IKZF2: variants seen among roughly 807,000 people sequenced by gnomAD.
IKZF2 encodes IKAROS family zinc finger 2.
A neutral mutation model predicts 49.2 loss-of-function variants in IKZF2; 15 were observed. The observed-to-expected ratio is 0.30, with a 90% CI of 0.20 to 0.47. IKZF2 has a LOEUF of 0.47. IKZF2 is among the 20% of genes least tolerant of loss of function. The pLI is 1.00. For missense variants in IKZF2, 567 were observed against 664.6 expected (o/e 0.85, Z 1.61); for synonymous variants, 227 against 221.4 (o/e 1.03, Z -0.23).
At chr2:213,150,469 CTCCTCCTCG>C (rs1202582751) in intron 1 of IKZF2, 2 of 271,280 alleles carry the variant, frequency 7.4e-6, no homozygotes, top group South Asian at 3.8e-5. Flanking sequence ...CCTCCTCCTC[CTCCTCCTCG>C]TCCTCCTCCT....
intron 5 of IKZF2, among the ~76,000 whole-genome samples, chr2:213,050,670 C>T (rs576941324): frequency 8.6e-5 from 13 of 152,030 alleles, no homozygotes; most frequent in Non-Finnish European, 1.6e-4. Context: ...CTTTTCTCCC[C>T]GTTTTTCTAT....
At chr2:213,104,735 C>A (rs1410658529) in intron 4 of IKZF2, among the ~76,000 whole-genome samples, 1 of 152,120 alleles carries the variant, frequency 6.6e-6, no homozygotes, top group Non-Finnish European at 1.5e-5. Context: ...GACAGGAACC[C>A]CAACTAGAAC....
intron 4 of IKZF2, among the ~76,000 whole-genome samples, chr2:213,122,724 C>T (rs1490735992): frequency 6.6e-6 from 1 of 152,162 alleles, no homozygotes; most frequent in Non-Finnish European, 1.5e-5. Flanking sequence ...GATTCTCCTA[C>T]TTAAATAATT....
chr2:213,135,494 C>A (rs1014827156), intron 4 of IKZF2, among the ~76,000 whole-genome samples: 2 of 151,764 alleles, frequency 1.3e-5, no homozygotes, highest in East Asian at 3.9e-4. Context: ...CAAGACCAGC[C>A]TGGACAACAC....
intron 6 of IKZF2, among the ~76,000 whole-genome samples, chr2:213,028,662 C>G (rs1337243028): frequency 1.3e-5 from 2 of 151,990 alleles, no homozygotes; most frequent in African/African-American, 4.8e-5. Context: ...TTCCAATGTC[C>G]AACTGTTCAT....
chr2:213,008,131 CA>C, intron 8 of IKZF2, 47 bp from the exon 9 acceptor site: 4 of 864,654 alleles, frequency 4.6e-6, no homozygotes, highest in African/African-American at 2.3e-5. Context: ...AAAAAAAATA[CA>C]ACAACATTAG....
intron 7 of IKZF2, among the ~76,000 whole-genome samples, chr2:213,020,449 G>C (rs760163450): frequency 8.6e-5 from 13 of 151,970 alleles, no homozygotes; most frequent in Non-Finnish European, 1.3e-4. Flanking sequence ...AGCCAGAGCA[G>C]GTTTGGCAGA....
chr2:213,142,673 G>A (rs939362161), intron 4 of IKZF2, among the ~76,000 whole-genome samples: 3 of 151,908 alleles, frequency 2.0e-5, no homozygotes, highest in Admixed American at 6.6e-5. Context: ...CAGCAAAGCA[G>A]GAATTCTAAC....
rs146311585 is a variant in IKZF2 at position 213,130,361 on chromosome 2, C to T, written c.139+17347G>A. On this transcript the variant is annotated intron_variant, in intron 4 of 8. Transcript: ENST00000434687. Reference sequence around the variant, plus strand: ...AAATGCTTTGTTATAAACTGACAAACACAATTAATAGACATCAGTCATCAA... The same window carrying T: ...AAATGCTTTGTTATAAACTGACAAATACAATTAATAGACATCAGTCATCAA... Among the ~76,000 whole-genome samples the T allele has an allele frequency of 2.6e-4, 39 of 152,172 alleles. 1 individual carries two copies. The East Asian group carries it at 7.2e-3, about 28-fold the overall frequency.
intron 4 of IKZF2, among the ~76,000 whole-genome samples, chr2:213,121,119 T>C (rs141385545): frequency 6.6e-6 from 1 of 152,344 alleles, no homozygotes; most frequent in African/African-American, 2.4e-5. Flanking sequence ...CTCTGTCCTA[T>C]ACACAATATT....
chr2:213,062,115 A>C (rs1379768322), intron 4 of IKZF2, among the ~76,000 whole-genome samples: 2 of 151,654 alleles, frequency 1.3e-5, no homozygotes, highest in Non-Finnish European at 3.0e-5. Flanking sequence ...TTTTCAAATT[A>C]AGATAATAAA....
At chr2:213,101,520 C>T (rs1706659115) in intron 4 of IKZF2, among the ~76,000 whole-genome samples, 1 of 150,506 alleles carries the variant, frequency 6.6e-6, no homozygotes, top group African/African-American at 2.5e-5. Flanking sequence ...TGGCAACTGA[C>T]ACTACCTACT....
chr2:213,145,843 TAA>T (rs77792034), intron 4 of IKZF2, among the ~76,000 whole-genome samples: 39,657 of 151,956 alleles, frequency 0.26, 6,588 homozygotes, highest in Non-Finnish European at 0.37. Context: ...GCTAGTAAGT[TAA>T]AAAACTCTCT....
intron 4 of IKZF2, among the ~76,000 whole-genome samples, chr2:213,067,062 A>G (rs1329223935): frequency 6.6e-6 from 1 of 152,110 alleles, no homozygotes; most frequent in Non-Finnish European, 1.5e-5. Flanking sequence ...CCTGGAGTTT[A>G]AGGCCAGGTT....
intron 6 of IKZF2, among the ~76,000 whole-genome samples, chr2:213,025,158 T>C (rs1356182490): frequency 6.6e-6 from 1 of 152,134 alleles, no homozygotes; most frequent in Non-Finnish European, 1.5e-5. Flanking sequence ...GTCTCCTGTT[T>C]TAGCGTCTGA....
chr2:213,126,320 C>A (rs1211840763), intron 4 of IKZF2, among the ~76,000 whole-genome samples: 1 of 152,132 alleles, frequency 6.6e-6, no homozygotes, highest in Non-Finnish European at 1.5e-5. Context: ...GTGTTGATTT[C>A]TGCCTTTCTT....
intron 7 of IKZF2, among the ~76,000 whole-genome samples, chr2:213,018,068 T>C (rs1397651198): frequency 6.6e-6 from 1 of 152,094 alleles, no homozygotes; most frequent in African/African-American, 2.4e-5. Flanking sequence ...ACAATATATA[T>C]AGATTTTAAG....
chr2:213,146,761 G>GGGGAT (rs1553604947), intron 4 of IKZF2, among the ~76,000 whole-genome samples: 1 of 135,344 alleles, frequency 7.4e-6, no homozygotes, highest in Non-Finnish European at 1.6e-5. Flanking sequence ...TAAATCTTCG[G>GGGGAT]GGGGGGGGAA....
chr2:213,038,883 C>G (rs1221944198), intron 6 of IKZF2, among the ~76,000 whole-genome samples: 1 of 152,114 alleles, frequency 6.6e-6, no homozygotes, highest in Non-Finnish European at 1.5e-5. Context: ...GGGTACACTA[C>G]TCTCATGACA....
Sources: allele counts gnomAD v4.1 joint callset (sites outside exome capture counted in the v4.1 genomes callset), GRCh38; gene constraint gnomAD v4.1.1; transcripts MANE v1.5; gene names NCBI Gene and HGNC (gene_info 2026-07-23, HGNC 2026-07-21).